The following HYCC2 variants were observed in gnomAD, a reference collection of about 807,000 sequenced individuals.
HYCC2 encodes hyccin 2.
the HYCC2 span, among the ~76,000 whole-genome samples, chr2:200,982,492 A>G: frequency 6.6e-6 from 1 of 152,188 alleles, no homozygotes; most frequent in Non-Finnish European, 1.5e-5. Flanking sequence ...GTAACTTCAC[A>G]GTCATATTTT....
At chr2:201,034,708 T>C in the HYCC2 span, among the ~76,000 whole-genome samples, 1 of 152,216 alleles carries the variant, frequency 6.6e-6, no homozygotes. Flanking sequence ...GCCTCAATGG[T>C]CTTTACAATT....
chr2:201,064,042 A>G, the HYCC2 span: 1 of 1,593,222 alleles, frequency 6.3e-7, no homozygotes, highest in Non-Finnish European at 8.5e-7. Context: ...GCAGTGGCAG[A>G]AGATTTTAAT....
the HYCC2 span, among the ~76,000 whole-genome samples, chr2:201,054,148 A>G: frequency 6.6e-6 from 1 of 152,232 alleles, no homozygotes; most frequent in East Asian, 1.9e-4. Flanking sequence ...GAATAATCGG[A>G]GAAGCCCTTA....
the HYCC2 span, among the ~76,000 whole-genome samples, chr2:201,004,427 A>G: frequency 6.6e-6 from 1 of 152,200 alleles, no homozygotes; most frequent in Non-Finnish European, 1.5e-5. Flanking sequence ...GGTTGAATTT[A>G]GACATATTTT....
chr2:200,981,668 G>C, the HYCC2 span: 1 of 1,614,110 alleles, frequency 6.2e-7, no homozygotes, highest in Non-Finnish European at 8.5e-7. This position sits in a 1 kb window ranked among gnomAD's most constrained non-coding sequence, Gnocchi z 4.5. Context: ...GAATCTCGAG[G>C]GCTCTCACTG....
the HYCC2 span, among the ~76,000 whole-genome samples, chr2:201,056,655 CAA>C: frequency 1.5e-5 from 2 of 130,548 alleles, no homozygotes; most frequent in Non-Finnish European, 3.2e-5. Context: ...GCCTGGGTAA[CAA>C]GAGTGAAACT....
the HYCC2 span, among the ~76,000 whole-genome samples, chr2:201,058,604 T>G: frequency 6.6e-6 from 1 of 152,020 alleles, no homozygotes; most frequent in South Asian, 2.1e-4. Flanking sequence ...CCCAGGAAGG[T>G]GAAGCATGAG....
chr2:200,994,807 C>A, the HYCC2 span, among the ~76,000 whole-genome samples: 2 of 152,008 alleles, frequency 1.3e-5, no homozygotes, highest in South Asian at 2.1e-4. Flanking sequence ...TCAAGACCAG[C>A]CTGGACAACA....
At chr2:201,068,579 T>C in the HYCC2 span, among the ~76,000 whole-genome samples, 1 of 152,208 alleles carries the variant, frequency 6.6e-6, no homozygotes, top group Admixed American at 6.5e-5. Flanking sequence ...GGAGATGATA[T>C]AAGTGATATG....
the HYCC2 span, among the ~76,000 whole-genome samples, chr2:201,068,476 C>G: frequency 2.0e-5 from 3 of 152,100 alleles, no homozygotes; most frequent in East Asian, 5.8e-4. Context: ...GAAGTGGAAG[C>G]CAGTGGTGAA....
At chr2:201,062,529 TA>T in the HYCC2 span, among the ~76,000 whole-genome samples, 1 of 151,774 alleles carries the variant, frequency 6.6e-6, no homozygotes, top group Non-Finnish European at 1.5e-5. Context: ...CGGGCACCTG[TA>T]GTCCCAGCTA....
the HYCC2 span, among the ~76,000 whole-genome samples, chr2:201,046,117 G>C: frequency 3.3e-5 from 5 of 152,014 alleles, no homozygotes; most frequent in African/African-American, 4.8e-5. Context: ...ATCTTTTTTA[G>C]AAAAGAACAC....
chr2:201,068,361 G>A, the HYCC2 span, among the ~76,000 whole-genome samples: 1 of 152,098 alleles, frequency 6.6e-6, no homozygotes, highest in Non-Finnish European at 1.5e-5. Context: ...AAAAGTATTA[G>A]TAAATTAGTA....
At chr2:201,025,544 C>T in the HYCC2 span, among the ~76,000 whole-genome samples, 3 of 152,080 alleles carry the variant, frequency 2.0e-5, no homozygotes, top group Non-Finnish European at 4.4e-5. Context: ...ATCAAAAGAG[C>T]TTCTCTGAGG....
At chr2:201,022,576 C>A in the HYCC2 span, 5 of 293,980 alleles carry the variant, frequency 1.7e-5, no homozygotes, top group Non-Finnish European at 2.5e-5. Context: ...AATAAATAAT[C>A]CACTGAGATG....
the HYCC2 span, among the ~76,000 whole-genome samples, chr2:201,032,580 T>C: frequency 6.6e-6 from 1 of 152,226 alleles, no homozygotes; most frequent in East Asian, 1.9e-4. Flanking sequence ...AATTAATTCC[T>C]ACGTGGTTTT....
chr2:201,025,837 T>C, the HYCC2 span, among the ~76,000 whole-genome samples: 9 of 152,202 alleles, frequency 5.9e-5, no homozygotes, highest in East Asian at 7.7e-4. Context: ...GGTAAGAGGA[T>C]TGCTTGAGGC....
the HYCC2 span, among the ~76,000 whole-genome samples, chr2:201,070,746 G>A: frequency 6.6e-6 from 1 of 152,078 alleles, no homozygotes; most frequent in Admixed American, 6.6e-5. Flanking sequence ...GGGAGGAAGG[G>A]ATCTACCAAC....
At chr2:201,018,784 C>A in the HYCC2 span, among the ~76,000 whole-genome samples, 2 of 152,068 alleles carry the variant, frequency 1.3e-5, no homozygotes, top group African/African-American at 4.8e-5. Context: ...TGAACCATGA[C>A]AGCATCACTG....
Sources: gnomAD v4.1 joint callset for allele counts (sites outside exome capture counted in the v4.1 genomes callset) on GRCh38, gnomAD v4.1.1 for gene constraint, Gnocchi (gnomAD v3.1) non-coding constraint, MANE v1.5 for transcripts, NCBI Gene and HGNC (gene_info 2026-07-23, HGNC 2026-07-21) for gene names.